Variants in SLAMF1 observed in about 807,000 individuals in gnomAD.
SLAMF1 encodes the protein signaling lymphocytic activation molecule.
SLAMF1 carries 18 observed loss-of-function variants against 35.1 expected under a neutral mutation model. The ratio of observed to expected loss-of-function variants is 0.51; its 90% confidence interval spans 0.35 to 0.76. The LOEUF (loss-of-function observed/expected upper bound fraction) is 0.76, where lower values mean the gene tolerates loss of function less well. Ranked by LOEUF, SLAMF1 falls within the 30% of genes least tolerant of loss-of-function variation. The pLI, the probability that SLAMF1 is intolerant of heterozygous loss-of-function variation, is 0.01. For missense variants in SLAMF1, 392 were observed against 413.0 expected (o/e 0.95, Z 0.44); for synonymous variants, 168 against 157.2 (o/e 1.07, Z -0.51).
At chr1:160,614,858 G>A (rs1373770216) in intron 5 of SLAMF1, among the ~76,000 whole-genome samples, 7 of 152,046 alleles carry the variant, frequency 4.6e-5, no homozygotes, top group African/African-American at 1.2e-4. Context: ...GTATATTTTT[G>A]TATCTTATTA....
chr1:160,614,625 G>T (rs1163487771), intron 5 of SLAMF1, among the ~76,000 whole-genome samples: 1 of 151,446 alleles, frequency 6.6e-6, no homozygotes, highest in African/African-American at 2.4e-5. Flanking sequence ...TGCAACCTCT[G>T]CTGGTCTTCC....
rs969431539 is a variant in SLAMF1 at position 160,636,991 on chromosome 1, A to G, written c.415+200T>C. ...AAGAGTAACTAATGCTTAATCAGCTACCATCAATATGCAATTTGGAAAAAA... is the reference window on the plus strand; with the variant it reads ...AAGAGTAACTAATGCTTAATCAGCTGCCATCAATATGCAATTTGGAAAAAA... On this transcript the variant is annotated intron_variant, in intron 2 of 6. Coordinates refer to ENST00000302035, the MANE Select transcript of SLAMF1 (RefSeq NM_003037.5). 7 of 583,876 alleles carry G rather than the reference A, an allele frequency of 1.2e-5. No individual in the cohort carries two copies. In the Admixed American group the frequency reaches 1.8e-4, roughly 15 times the overall value. 36.2% of individuals were successfully genotyped at this position (583,876 alleles called of 1,614,324 possible). A position where few individuals can be genotyped will look rare whatever the true frequency, so the allele number is the denominator to read the frequency against.
chr1:160,644,177 A>C (rs1054557597), intron 1 of SLAMF1, among the ~76,000 whole-genome samples: 2 of 152,122 alleles, frequency 1.3e-5, no homozygotes, highest in African/African-American at 4.8e-5. Flanking sequence ...AATTCAATTC[A>C]ACTCATATTT....
chr1:160,610,580 G>A lies in SLAMF1; in HGVS notation c.*168C>T. ...AATTCTTGGGAAGCCTCACTTCCTT[G>A]TTCATTTCACAGATGTATGTGGAAG... is the stretch of plus-strand genomic sequence containing the variant. On this transcript the variant is annotated 3_prime_UTR_variant, in exon 7 of 7. Transcript: ENST00000302035. The A allele has an allele frequency of 3.2e-6, 2 of 628,496 alleles. No individual in the cohort carries two copies. The highest frequency in any genetic ancestry group is 5.8e-6 in the Non-Finnish European group (2 of 345,438). The allele number at this position is 628,496 out of a possible 1,614,324, so 38.9% of individuals were successfully genotyped here.
Position 160,609,645 on chromosome 1 carries a change from C to T in SLAMF1, c.*1103G>A, listed in dbSNP as rs556785382. On this transcript the variant is annotated 3_prime_UTR_variant, in exon 7 of 7. Transcript: ENST00000302035. ...GAATAGGAAAAAACAAAGGACTTTA[C>T]TTAAAAAGTCTCTTTCTGCCTGCAG... 21 of 152,332 alleles carry T rather than the reference C, an allele frequency of 1.4e-4. No homozygotes were observed. The highest frequency in any genetic ancestry group is 4.8e-4 in the African/African-American group (20 of 41,578). 9.4% of individuals were successfully genotyped at this position (152,332 alleles called of 1,614,324 possible).
In SLAMF1 at chr1:160,625,824, AGTGTGT is replaced by A. The variant is rs3223445; in HGVS notation, c.701-1645_701-1640del. Among the ~76,000 whole-genome samples the A allele has an allele frequency of 3.0e-4, 44 of 145,278 alleles. No individual in the cohort carries two copies. In the East Asian group the frequency reaches 4.5e-3, roughly 15 times the overall value. The stretch of plus-strand genomic sequence containing the variant: ...GGTCACTGAGAACCCTCTGTGCAGG[AGTGTGT>A]GTGTGTGTGTGTGTGTGTGTGTGTA... On this transcript the variant is annotated intron_variant, in intron 3 of 6. Transcript: ENST00000302035.
intron 1 of SLAMF1, among the ~76,000 whole-genome samples, chr1:160,641,077 T>C (rs978130947): frequency 4.6e-5 from 7 of 152,282 alleles, no homozygotes; most frequent in Admixed American, 3.3e-4. Flanking sequence ...AACTTCTGTG[T>C]ATAAAGAAAT....
At chr1:160,643,419 C>T (rs569933936) in intron 1 of SLAMF1, among the ~76,000 whole-genome samples, 4 of 152,270 alleles carry the variant, frequency 2.6e-5, no homozygotes, top group African/African-American at 9.6e-5. Context: ...ACCTAGGGAC[C>T]TTGTTCAGGC....
At position 160,637,497 on chromosome 1, in the gene SLAMF1, G is replaced by T; in HGVS notation, c.109C>A (p.Arg37=). 2 of 1,612,240 alleles carry T rather than the reference G, an allele frequency of 1.2e-6. No individual in the cohort carries two copies. Among genetic ancestry groups the T allele is most frequent in the Non-Finnish European group, 1.7e-6 (2 of 1,179,866 alleles). ...AGCAGCACTTTGCTTCCCAACTGCC[G>T]GAGAATCTTTGGGCAGTTCATCATG... ...GRMMNCPKIL[R]QLGSKVLLPL... is the part of the protein sequence containing the mutation. The change falls in exon 2 of 7, where the codon CGG becomes AGG. Residue 37 remains arginine, a synonymous_variant. Coordinates refer to ENST00000302035, the MANE Select transcript of SLAMF1 (RefSeq NM_003037.5).
intron 5 of SLAMF1, among the ~76,000 whole-genome samples, chr1:160,618,632 G>T (rs1195806559): frequency 6.6e-6 from 1 of 152,084 alleles, no homozygotes. Flanking sequence ...ATGTAGAACT[G>T]GGAGGACAGT....
At position 160,637,384 on chromosome 1, in the gene SLAMF1, G is replaced by C; in HGVS notation, c.222C>G (p.Val74=). 6.2e-7 allele frequency: 1 copy of C among 1,613,946 alleles called. No homozygotes were observed. Among genetic ancestry groups the C allele is most frequent in the Non-Finnish European group, 8.5e-7 (1 of 1,179,918 alleles). Residue 74 remains valine (V), a synonymous_variant, in exon 2 of 7, where the codon GTC becomes GTG. Transcript: ENST00000302035. ...GATCAAGAGACACTATTTTGTTCTC[G>C]ACACTGTTCTCCAGTGATTTTGCCA... ...VTMAKSLENS[V]ENKIVSLDPS...
rs1483362255 is a variant in SLAMF1 at position 160,642,943 on chromosome 1, T to C, written c.76+3927A>G. On this transcript the variant is annotated intron_variant, in intron 1 of 6. Transcript: ENST00000302035. The surrounding 1 kb of genome is among the most constrained non-coding windows in gnomAD (Gnocchi z 4.2). Reference sequence around the variant, plus strand: ...TTTATTTGGGGCTAAGTTTTTAATATTCATTTTTATTAACTTTATCCCAAA... The same window carrying C: ...TTTATTTGGGGCTAAGTTTTTAATACTCATTTTTATTAACTTTATCCCAAA... Among the ~76,000 whole-genome samples the C allele has an allele frequency of 2.0e-5, 3 of 152,222 alleles. No individual in the cohort carries two copies. Among genetic ancestry groups the C allele is most frequent in the African/African-American group, 7.2e-5 (3 of 41,452 alleles).
chr1:160,612,710 T>C, intron 5 of SLAMF1, 130 bp from the exon 6 acceptor site: 2 of 600,740 alleles, frequency 3.3e-6, no homozygotes, highest in Non-Finnish European at 3.0e-6. Flanking sequence ...TGGTCCAACC[T>C]CCTTCTCAGG....
At chr1:160,638,286 T>A (rs926867129) in intron 1 of SLAMF1, among the ~76,000 whole-genome samples, 2 of 152,190 alleles carry the variant, frequency 1.3e-5, no homozygotes, top group Non-Finnish European at 2.9e-5. Context: ...CTTTGCTTTT[T>A]GTTTCACTGA....
At chr1:160,634,049 C>T (rs1258995369) in intron 3 of SLAMF1, among the ~76,000 whole-genome samples, 1 of 152,216 alleles carries the variant, frequency 6.6e-6, no homozygotes, top group African/African-American at 2.4e-5. Flanking sequence ...CGTTCTGACT[C>T]CCCTGGCCCT....
intron 2 of SLAMF1, 80 bp downstream of exon 2, chr1:160,637,111 G>T (rs777529402): frequency 5.6e-6 from 5 of 893,424 alleles, no homozygotes; most frequent in Non-Finnish European, 9.1e-6. Flanking sequence ...AATACCCTTT[G>T]CTTTTAAGAG....
chr1:160,645,474 G>A (rs1330406929), intron 1 of SLAMF1, among the ~76,000 whole-genome samples: 1 of 152,218 alleles, frequency 6.6e-6, no homozygotes, highest in Non-Finnish European at 1.5e-5. Flanking sequence ...TCAATAAGAC[G>A]AGCTATTGGT....
intron 1 of SLAMF1, among the ~76,000 whole-genome samples, chr1:160,640,411 T>C (rs575320497): frequency 4.0e-5 from 6 of 148,318 alleles, no homozygotes; most frequent in South Asian, 4.3e-4. Context: ...CATATATATA[T>C]ACATACACAT....
chr1:160,630,388 T>A (rs1403483508), intron 3 of SLAMF1, among the ~76,000 whole-genome samples: 1 of 152,172 alleles, frequency 6.6e-6, no homozygotes, highest in African/African-American at 2.4e-5. Flanking sequence ...TTTTGCACAG[T>A]TTCGCTTAAG....
Sources: gnomAD v4.1 joint callset for allele counts (sites outside exome capture counted in the v4.1 genomes callset) on GRCh38, gnomAD v4.1.1 for gene constraint, Gnocchi (gnomAD v3.1) non-coding constraint, MANE v1.5 for transcripts, NCBI Gene and HGNC (gene_info 2026-07-23, HGNC 2026-07-21) for gene names.